The following KIF26B variants were observed in gnomAD, a reference collection of about 807,000 sequenced individuals.
The protein encoded by KIF26B is kinesin-like protein KIF26B.
In KIF26B, 63 loss-of-function variants were observed where a neutral mutation model predicts 151.2. The observed-to-expected ratio is 0.42, with a 90% CI of 0.34 to 0.51. The LOEUF (loss-of-function observed/expected upper bound fraction) is 0.51, where lower values mean the gene tolerates loss of function less well. Among genes scored for constraint, KIF26B ranks in the 20% least tolerant of loss-of-function variants. The pLI, the probability that KIF26B is intolerant of heterozygous loss-of-function variation, is 0.07. For synonymous variants in KIF26B, 1,357 were observed against 1,262.1 expected, an observed-to-expected ratio of 1.08 and a Z score of -1.59; for missense variants, 2,813 against 2,913.6, an observed-to-expected ratio of 0.97 and a Z score of 0.79.
At chr1:245,596,871 C>T (rs528832227) in intron 5 of KIF26B, among the ~76,000 whole-genome samples, 1 of 152,088 alleles carries the variant, frequency 6.6e-6, no homozygotes, top group African/African-American at 2.4e-5. Context: ...TGCATTGACC[C>T]CTTTACCATT....
chr1:245,515,038 G>C (rs1168416440), intron 4 of KIF26B, among the ~76,000 whole-genome samples: 1 of 152,166 alleles, frequency 6.6e-6, no homozygotes, highest in African/African-American at 2.4e-5. Flanking sequence ...TCACAGAATG[G>C]AAAGCGTGCT....
At chr1:245,600,364 G>T (rs900022903) in intron 5 of KIF26B, among the ~76,000 whole-genome samples, 1 of 148,790 alleles carries the variant, frequency 6.7e-6, no homozygotes, top group Non-Finnish European at 1.5e-5. Flanking sequence ...ACAAGGTCTC[G>T]CTCTGTCACC....
intron 5 of KIF26B, among the ~76,000 whole-genome samples, chr1:245,580,529 C>T (rs530538776): frequency 6.6e-6 from 1 of 152,248 alleles, no homozygotes; most frequent in Non-Finnish European, 1.5e-5. Context: ...AAGGAGGGAA[C>T]CATGTTGGGG....
intron 4 of KIF26B, among the ~76,000 whole-genome samples, chr1:245,529,105 C>T (rs1323186704): frequency 1.3e-5 from 2 of 152,112 alleles, no homozygotes; most frequent in East Asian, 1.9e-4. Flanking sequence ...TTAGTAAGGC[C>T]GCTCCATCGG....
chr1:245,374,113 ATATATATATATATATATATATATATG>A (rs1170121520), intron 3 of KIF26B, among the ~76,000 whole-genome samples: 4 of 67,184 alleles, frequency 6.0e-5, no homozygotes, highest in Admixed American at 1.6e-4. Flanking sequence ...ATATATATAT[ATATATATATATATATATATATATATG>A]GGCACAAAAG....
chr1:245,577,341 A>C (rs765140135), intron 5 of KIF26B, among the ~76,000 whole-genome samples: 1 of 152,166 alleles, frequency 6.6e-6, no homozygotes, highest in Non-Finnish European at 1.5e-5. Flanking sequence ...CTAAGTCATA[A>C]CAGAGTCAGG....
At chr1:245,663,416 AG>A (rs2147935440) in intron 10 of KIF26B, among the ~76,000 whole-genome samples, 2 of 152,058 alleles carry the variant, frequency 1.3e-5, no homozygotes, top group African/African-American at 4.8e-5. Context: ...TTCTTTAAAC[AG>A]TTTAATTGTC....
intron 2 of KIF26B, among the ~76,000 whole-genome samples, chr1:245,242,920 G>A (rs1038222567): frequency 1.4e-5 from 2 of 144,994 alleles, no homozygotes; most frequent in Non-Finnish European, 3.0e-5. Flanking sequence ...AAAGTGCTGG[G>A]ATTACAGGCA....
intron 2 of KIF26B, among the ~76,000 whole-genome samples, chr1:245,327,712 A>G (rs1245975725): frequency 6.6e-6 from 1 of 152,248 alleles, no homozygotes; most frequent in African/African-American, 2.4e-5. Context: ...TGAGAAGGAA[A>G]GAGTCTAGCC....
chr1:245,688,624 C>T lies in KIF26B; in HGVS notation c.5641C>T (p.Pro1881Ser). The T allele has an allele frequency of 6.3e-7, 1 of 1,596,694 alleles. No homozygotes were observed. The highest frequency in any genetic ancestry group is 8.5e-7 in the Non-Finnish European group (1 of 1,173,492). The change falls in exon 12 of 15, where the codon CCG (proline) becomes TCG (serine). Residue 1881 changes from proline (P) to serine (S), a missense_variant. Pro to Ser is a moderately conservative substitution (Grantham distance 74, BLOSUM62 -1). Around this residue, in one of 3 missense-constraint regions of KIF26B, gnomAD observed 2,060 missense variants for 2,088.6 expected, o/e 0.99. Transcript: ENST00000407071. ...CAGCGTGCTGAGCGGGGAGCTCCCG[C>T]CGGCCATGGGGAAGACGGCCCTGTT... is the stretch of plus-strand genomic sequence containing the variant. Reference protein sequence around the residue: ...NSSVLSGELPPAMGKTALFYH... With the variant: ...NSSVLSGELPSAMGKTALFYH...
At position 245,601,421 on chromosome 1, in the gene KIF26B, T is replaced by G. The variant is rs1055104894; in HGVS notation, c.1351-1156T>G. Among the ~76,000 whole-genome samples, 61 of 152,184 alleles carry G rather than the reference T, an allele frequency of 4.0e-4. No homozygotes were observed. Among genetic ancestry groups the G allele is most frequent in the African/African-American group, 1.4e-3 (60 of 41,430 alleles). ...AGCATTTCTATATGTTGAAAATATT[T>G]TATTTAAAAATTACAACCACCCCTC... is the stretch of plus-strand genomic sequence containing the variant. On this transcript the variant is annotated intron_variant, in intron 5 of 14. Coordinates refer to ENST00000407071, the MANE Select transcript of KIF26B (RefSeq NM_018012.4). The surrounding 1 kb of genome is among the most constrained non-coding windows in gnomAD (Gnocchi z 4.4).
At chr1:245,407,380 C>A (rs544888347) in intron 3 of KIF26B, among the ~76,000 whole-genome samples, 42 of 152,274 alleles carry the variant, frequency 2.8e-4, no homozygotes, top group African/African-American at 9.9e-4. Context: ...CTGAGATGAA[C>A]AATTACTGGT....
rs542855376 is a variant in KIF26B at position 245,501,642 on chromosome 1, G to A, written c.1167-39125G>A. On this transcript the variant is annotated intron_variant, in intron 4 of 14. Coordinates refer to ENST00000407071, the MANE Select transcript of KIF26B (RefSeq NM_018012.4). ...TTAATTGGAGGATAATTGCTACACTGGACTAGTGTGGTAGTAGGAATTCAT... is the reference window on the plus strand; with the variant it reads ...TTAATTGGAGGATAATTGCTACACTAGACTAGTGTGGTAGTAGGAATTCAT... Among the ~76,000 whole-genome samples the A allele has an allele frequency of 2.6e-5, 4 of 152,322 alleles. No individual in the cohort carries two copies. In the East Asian group the frequency reaches 5.8e-4, roughly 22 times the overall value.
intron 4 of KIF26B, among the ~76,000 whole-genome samples, chr1:245,503,011 G>A (rs909941478): frequency 9.2e-5 from 14 of 151,936 alleles, no homozygotes; most frequent in African/African-American, 3.1e-4. Flanking sequence ...ACAGACATGC[G>A]CCACCACCCC....
chr1:245,607,573 G>T (rs1164954215), intron 6 of KIF26B, 78 bp from the exon 7 acceptor site: 1 of 1,172,928 alleles, frequency 8.5e-7, no homozygotes, highest in African/African-American at 1.5e-5. Flanking sequence ...CCCCAGGAAG[G>T]TGGGCTCACT....
chr1:245,385,827 C>T (rs1022208298), intron 3 of KIF26B, among the ~76,000 whole-genome samples: 5 of 152,138 alleles, frequency 3.3e-5, no homozygotes, highest in African/African-American at 1.2e-4. Flanking sequence ...AGGAGGAAGA[C>T]AGCAGCAGAA....
intron 4 of KIF26B, among the ~76,000 whole-genome samples, chr1:245,531,041 A>T (rs1661346790): frequency 6.6e-6 from 1 of 152,114 alleles, no homozygotes; most frequent in Non-Finnish European, 1.5e-5. Flanking sequence ...TGGTGGTAGT[A>T]GTTGTTATAA....
intron 2 of KIF26B, among the ~76,000 whole-genome samples, chr1:245,254,057 G>A (rs571165827): frequency 1.1e-4 from 17 of 151,946 alleles, no homozygotes; most frequent in African/African-American, 2.9e-4. Context: ...TAATTTGCCC[G>A]CCTCGGCCTC....
chr1:245,316,278 T>C (rs1394952432), intron 2 of KIF26B, among the ~76,000 whole-genome samples: 2 of 152,004 alleles, frequency 1.3e-5, no homozygotes, highest in African/African-American at 2.4e-5. Flanking sequence ...CCCGCCACCA[T>C]GCCTGGCTAA....
Sources: allele counts gnomAD v4.1 joint callset (sites outside exome capture counted in the v4.1 genomes callset), GRCh38; gene constraint gnomAD v4.1.1; regional missense constraint gnomAD v4.1.1; non-coding constraint Gnocchi (gnomAD v3.1); transcripts MANE v1.5; gene names NCBI Gene and HGNC (gene_info 2026-07-23, HGNC 2026-07-21).